The following CUL9 variants were observed in gnomAD, a reference collection of about 807,000 sequenced individuals.
The protein encoded by CUL9 is cullin-9.
Under a neutral mutation model 272.6 loss-of-function variants are expected in CUL9, and 79 were observed. The ratio of observed to expected loss-of-function variants is 0.29; its 90% CI spans 0.24 to 0.35. The LOEUF (loss-of-function observed/expected upper bound fraction) is 0.35, where lower values mean the gene tolerates loss of function less well. CUL9 is among the 10% of genes least tolerant of loss of function. The pLI, the probability that CUL9 is intolerant of heterozygous loss-of-function variation, is 1.00. For missense variants in CUL9, 2,532 were observed against 3,255.6 expected, an observed-to-expected ratio of 0.78 and a Z score of 5.41; for synonymous variants, 1,186 against 1,286.5, an observed-to-expected ratio of 0.92 and a Z score of 1.67.
chr6:43,220,704 T>C lies in CUL9; in HGVS notation c.6424-43T>C. ...CTGGGGGCCTGGAGGTGTGGCATCC[T>C]GGAGAGCCATACCCTCACCTCGTGG... is the stretch of plus-strand genomic sequence containing the variant. On this transcript the variant is annotated intron_variant, in intron 32 of 40. Transcript: ENST00000252050. The surrounding 1 kb of genome is among the most constrained non-coding windows in gnomAD (Gnocchi z 4.9). The C allele has an allele frequency of 6.2e-7, 1 of 1,605,338 alleles. No homozygotes were observed. The highest frequency in any genetic ancestry group is 8.5e-7 in the Non-Finnish European group (1 of 1,175,130).
chr6:43,213,118 G>A lies in CUL9; in HGVS notation c.5213-31G>A. On this transcript the variant is annotated intron_variant, in intron 26 of 40. Coordinates refer to ENST00000252050, the MANE Select transcript of CUL9 (RefSeq NM_015089.4). The surrounding 1 kb of genome is among the most constrained non-coding windows in gnomAD (Gnocchi z 5.7). ...AAACCCCTTGTTTCGCCCATTCTGTGTCTCCACCCTTCTCCTTGACACTTG... is the reference window on the plus strand; with the variant it reads ...AAACCCCTTGTTTCGCCCATTCTGTATCTCCACCCTTCTCCTTGACACTTG... 6.2e-7 allele frequency: 1 copy of A among 1,609,834 alleles called. No homozygotes were observed. The highest frequency in any genetic ancestry group is 8.5e-7 in the Non-Finnish European group (1 of 1,177,172).
At chr6:43,191,437 C>T (rs1773478428) in intron 8 of CUL9, among the ~76,000 whole-genome samples, 2 of 148,812 alleles carry the variant, frequency 1.3e-5, no homozygotes, top group Admixed American at 6.8e-5. Context: ...TGCTTATCCT[C>T]CCAAGTATCT....
Position 43,221,447 on chromosome 6 carries a change from G to A in CUL9, c.6752+126G>A, listed in dbSNP as rs1197694285. 6.0e-6 allele frequency: 7 copies of A among 1,161,176 alleles called. No individual in the cohort carries two copies. The highest frequency in any genetic ancestry group is 3.1e-5 in the African/African-American group (2 of 64,470). The allele number at this position is 1,161,176 out of a possible 1,614,324, so 71.9% of individuals were successfully genotyped here. On this transcript the variant is annotated intron_variant, in intron 34 of 40. Transcript: ENST00000252050. The surrounding 1 kb of genome is among the most constrained non-coding windows in gnomAD (Gnocchi z 4.2). Reference sequence around the variant, plus strand: ...GGGTGGTTCCTCAGCCGCCCCTCACGTGGCAGCCTCCACGGTGACTTCCTG... The same window carrying A: ...GGGTGGTTCCTCAGCCGCCCCTCACATGGCAGCCTCCACGGTGACTTCCTG...
chr6:43,223,160 A>C lies in CUL9; in HGVS notation c.7151-104A>C. 8.4e-6 allele frequency: 12 copies of C among 1,432,130 alleles called. No homozygotes were observed. Among genetic ancestry groups the C allele is most frequent in the African/African-American group, 1.4e-5 (1 of 70,350 alleles). The allele number at this position is 1,432,130 out of a possible 1,614,324, so 88.7% of individuals were successfully genotyped here. The stretch of plus-strand genomic sequence containing the variant: ...CCTAGGGAGCTTCATGAGAATGTCT[A>C]GAGCTGCACCTGGTGCTTGGTAGAC... On this transcript the variant is annotated intron_variant, in intron 38 of 40. Coordinates refer to ENST00000252050, the MANE Select transcript of CUL9 (RefSeq NM_015089.4). This position sits in a 1 kb window ranked among gnomAD's most constrained non-coding sequence, Gnocchi z 4.1.
intron 1 of CUL9, among the ~76,000 whole-genome samples, chr6:43,182,760 C>A (rs746319318): frequency 6.6e-6 from 1 of 152,270 alleles, no homozygotes; most frequent in Non-Finnish European, 1.5e-5. Context: ...TGTACCCCAA[C>A]ATGACCCCTG....
At chr6:43,198,291 C>G (rs1774191402) in intron 11 of CUL9, 24 of 983,384 alleles carry the variant, frequency 2.4e-5, no homozygotes, top group Non-Finnish European at 2.8e-5. Flanking sequence ...CTAAAGCCAC[C>G]ATGCAGGTAG....
chr6:43,203,277 G>T lies in CUL9; in HGVS notation c.3849+73G>T. On this transcript the variant is annotated intron_variant, in intron 18 of 40. Transcript: ENST00000252050. The surrounding 1 kb of genome is among the most constrained non-coding windows in gnomAD (Gnocchi z 5.0). The stretch of plus-strand genomic sequence containing the variant: ...AAGTTTCTCCTTGATCTGCTTGGGA[G>T]ATGGCCCAGGACCTGTTGAGTCCCA... 6.3e-7 allele frequency: 1 copy of T among 1,598,708 alleles called. No homozygotes were observed.
At position 43,221,336 on chromosome 6, in the gene CUL9, A is replaced by G; in HGVS notation, c.6752+15A>G. The G allele has an allele frequency of 6.7e-7, 1 of 1,486,954 alleles. No individual in the cohort carries two copies. The highest frequency in any genetic ancestry group is 9.0e-7 in the Non-Finnish European group (1 of 1,109,574). The allele number at this position is 1,486,954 out of a possible 1,614,324, so 92.1% of individuals were successfully genotyped here. A position where few individuals can be genotyped will look rare whatever the true frequency, so the allele number is the denominator to read the frequency against. ...GGGTGCCTGCAGTAAGAAGGGGGGTACTGTGGGGAGCCAGAGGGCAAGGAG... is the reference window on the plus strand; with the variant it reads ...GGGTGCCTGCAGTAAGAAGGGGGGTGCTGTGGGGAGCCAGAGGGCAAGGAG... On this transcript the variant is annotated intron_variant, in intron 34 of 40. Transcript: ENST00000252050. This position sits in a 1 kb window ranked among gnomAD's most constrained non-coding sequence, Gnocchi z 4.2.
rs542942662 is a variant in CUL9 at position 43,202,724 on chromosome 6, C to T, written c.3656C>T (p.Thr1219Ile). The change falls in exon 17 of 41, where the codon ACT (threonine) becomes ATT (isoleucine). Residue 1219 changes from threonine (T) to isoleucine (I), a missense_variant. Transcript: ENST00000252050. ...MHRGVLVRQL[T>I]LLVASEDSSY... Reference sequence around the variant, plus strand: ...CCTTTCTTCTTTCCCAGGCAGCTCACTTTGCTGGTGGCCAGTGAGGACTCA... The same window carrying T: ...CCTTTCTTCTTTCCCAGGCAGCTCATTTTGCTGGTGGCCAGTGAGGACTCA... 6.2e-7 allele frequency: 1 copy of T among 1,614,120 alleles called. No homozygotes were observed. The highest frequency in any genetic ancestry group is 2.2e-5 in the East Asian group (1 of 44,874).
chr6:43,182,709 C>T (rs576347788), intron 1 of CUL9, among the ~76,000 whole-genome samples: 70 of 152,224 alleles, frequency 4.6e-4, no homozygotes, highest in Admixed American at 2.0e-3. Flanking sequence ...CCACATCCAT[C>T]TTTCTCCCTC....
At chr6:43,192,508 T>C (rs557270264) in intron 8 of CUL9, among the ~76,000 whole-genome samples, 2 of 152,268 alleles carry the variant, frequency 1.3e-5, no homozygotes, top group East Asian at 3.9e-4. Flanking sequence ...CCGTCTCTAC[T>C]GAAAAACAAT....
chr6:43,189,253 G>A (rs6906524), intron 8 of CUL9, among the ~76,000 whole-genome samples: 17,824 of 151,612 alleles, frequency 0.12, 1,143 homozygotes, highest in African/African-American at 0.17. Flanking sequence ...GCAGTGGCGC[G>A]ATCTCGGCTC....
At position 43,221,730 on chromosome 6, in the gene CUL9, C is replaced by T. The variant is rs772483154; in HGVS notation, c.6798C>T (p.Leu2266=). 1 of 1,613,820 alleles carries T rather than the reference C, an allele frequency of 6.2e-7. No homozygotes were observed. The highest frequency in any genetic ancestry group is 1.1e-5 in the South Asian group (1 of 91,078). ...KCNHGFCWRC[L]KSWKPNHKDY... ...ACCATGGATTCTGCTGGCGCTGCCT[C>T]AAGTCCTGGAAGCCAAATCACAAAG... The change falls in exon 35 of 41, where the codon CTC becomes CTT. Residue 2266 remains leucine, a synonymous_variant. Coordinates refer to ENST00000252050, the MANE Select transcript of CUL9 (RefSeq NM_015089.4). The surrounding 1 kb of genome is among the most constrained non-coding windows in gnomAD (Gnocchi z 4.2).
At chr6:43,207,113 G>A (rs904678767) in intron 26 of CUL9, among the ~76,000 whole-genome samples, 11 of 152,102 alleles carry the variant, frequency 7.2e-5, no homozygotes, top group Admixed American at 2.6e-4. Context: ...CACTGTGCCC[G>A]GCCAAAAAGA....
chr6:43,186,867 A>G (rs968822005), intron 4 of CUL9, 93 bp from the exon 5 acceptor site: 8 of 1,486,154 alleles, frequency 5.4e-6, no homozygotes, highest in Middle Eastern at 2.4e-4. Flanking sequence ...CCCCAGATCT[A>G]TGCTTGGGCA....
intron 9 of CUL9, among the ~76,000 whole-genome samples, chr6:43,193,754 C>T (rs1285313211): frequency 6.6e-6 from 1 of 151,962 alleles, no homozygotes; most frequent in Non-Finnish European, 1.5e-5. Flanking sequence ...GAGCAGGGTG[C>T]ATGAAGTGCC....
At chr6:43,219,272 C>G (rs1013957266) in intron 31 of CUL9, among the ~76,000 whole-genome samples, 1 of 152,132 alleles carries the variant, frequency 6.6e-6, no homozygotes, top group Non-Finnish European at 1.5e-5. Flanking sequence ...CAAGGAGGAG[C>G]CTGTGCAGCA....
At position 43,221,385 on chromosome 6, in the gene CUL9, A is replaced by C; in HGVS notation, c.6752+64A>C. ...AGGGGGGAGGAGGCCTGGCAGAAGG[A>C]GGGGGGAACGGGCTTAGTGTAAAGC... On this transcript the variant is annotated intron_variant, in intron 34 of 40. Transcript: ENST00000252050. The surrounding 1 kb of genome is among the most constrained non-coding windows in gnomAD (Gnocchi z 4.2). The C allele has an allele frequency of 4.0e-6, 4 of 989,934 alleles. No homozygotes were observed. Among genetic ancestry groups the C allele is most frequent in the Non-Finnish European group, 5.9e-6 (4 of 682,950 alleles). 61.3% of individuals were successfully genotyped at this position (989,934 alleles called of 1,614,324 possible). A position where few individuals can be genotyped will look rare whatever the true frequency, so the allele number is the denominator to read the frequency against.
Position 43,186,453 on chromosome 6 carries a change from C to T in CUL9, c.1249C>T (p.Gln417Ter). Residue 417 changes from glutamine to a stop codon, truncating the protein, a stop_gained and splice_region_variant, in exon 4 of 41, where the codon CAG becomes TAG. Transcript: ENST00000252050. LOFTEE classifies it high-confidence loss of function. ...RQSNNGIPPV[Q>*]VFWQSTGRTY... is the part of the protein sequence containing the mutation. ...GAGCAACAACGGCATTCCCCCTGTG[C>T]AGGTGGGCAGCACATGGTGGTGAGA... 6.3e-7 allele frequency: 1 copy of T among 1,584,298 alleles called. No individual in the cohort carries two copies. The highest frequency in any genetic ancestry group is 8.6e-7 in the Non-Finnish European group (1 of 1,160,294).
Sources: gnomAD v4.1 joint callset for allele counts (sites outside exome capture counted in the v4.1 genomes callset) on GRCh38, gnomAD v4.1.1 for gene constraint, Gnocchi (gnomAD v3.1) non-coding constraint, MANE v1.5 for transcripts, NCBI Gene and HGNC (gene_info 2026-07-23, HGNC 2026-07-21) for gene names.